KAZN: variants seen among roughly 807,000 people sequenced by gnomAD.
KAZN encodes the protein kazrin, periplakin interacting protein, also known as kazrin.
A neutral mutation model predicts 87.4 loss-of-function variants in KAZN; 40 were observed. That is an observed-to-expected ratio of 0.46 (90% CI 0.36 to 0.60). The LOEUF is 0.60. Ranked by LOEUF, KAZN falls within the 20% of genes least tolerant of loss-of-function variation. KAZN has a pLI of 0.00. For synonymous variants in KAZN, 466 were observed against 458.3 expected (o/e 1.02, Z -0.22); for missense variants, 898 against 1,073.9 (o/e 0.84, Z 2.29).
At chr1:14,525,834 A>G (rs2148471672) in intron 2 of KAZN, among the ~76,000 whole-genome samples, 1 of 152,338 alleles carries the variant, frequency 6.6e-6, no homozygotes, top group African/African-American at 2.4e-5. Flanking sequence ...TTTAATACTC[A>G]GTGCAATCCT....
chr1:14,611,304 AG>A (rs1677800187), intron 1 of KAZN, among the ~76,000 whole-genome samples: 1 of 152,264 alleles, frequency 6.6e-6, no homozygotes, highest in Non-Finnish European at 1.5e-5. Flanking sequence ...ACAGCAAAAT[AG>A]AAATAATAGA....
At chr1:14,662,033 A>G (rs1396107625) in intron 1 of KAZN, among the ~76,000 whole-genome samples, 1 of 152,168 alleles carries the variant, frequency 6.6e-6, no homozygotes, top group East Asian at 1.9e-4. Context: ...TGTTCCTTAT[A>G]CCATGAGCCT....
intron 1 of KAZN, among the ~76,000 whole-genome samples, chr1:14,921,408 C>T (rs776862936): frequency 2.6e-5 from 4 of 152,172 alleles, no homozygotes; most frequent in Admixed American, 1.3e-4. Flanking sequence ...CTTCTTCCTC[C>T]GTCTCCTCTT....
chr1:14,862,970 G>A (rs561523734), intron 1 of KAZN, among the ~76,000 whole-genome samples: 7 of 152,314 alleles, frequency 4.6e-5, no homozygotes, highest in South Asian at 2.1e-4. Flanking sequence ...GAAGTTACCC[G>A]CAAAGCTGAG....
intron 1 of KAZN, among the ~76,000 whole-genome samples, chr1:14,042,198 T>A (rs543398990): frequency 9.1e-4 from 138 of 152,322 alleles, no homozygotes; most frequent in African/African-American, 3.2e-3. Context: ...TTTTCCCTTT[T>A]GGGAAATTTC....
At chr1:15,074,127 A>G (rs1043575939) in intron 8 of KAZN, among the ~76,000 whole-genome samples, 5 of 152,174 alleles carry the variant, frequency 3.3e-5, no homozygotes, top group African/African-American at 1.2e-4. Context: ...CTGTCTCTAA[A>G]ACAGACCAGG....
At chr1:14,522,260 C>G (rs1194293637) in intron 2 of KAZN, among the ~76,000 whole-genome samples, 1 of 152,146 alleles carries the variant, frequency 6.6e-6, no homozygotes, top group Admixed American at 6.5e-5. Flanking sequence ...TGTAACTGAC[C>G]TAACTTAAAG....
intron 2 of KAZN, among the ~76,000 whole-genome samples, chr1:14,515,919 C>T (rs1239868488): frequency 6.6e-6 from 1 of 152,136 alleles, no homozygotes; most frequent in Non-Finnish European, 1.5e-5. Flanking sequence ...CCAGCATGGT[C>T]TCACGTAAGC....
At chr1:14,262,448 AG>A (rs1651130081) in intron 2 of KAZN, among the ~76,000 whole-genome samples, 2 of 152,202 alleles carry the variant, frequency 1.3e-5, no homozygotes, top group South Asian at 4.1e-4. Context: ...CGCTTTTAAA[AG>A]TTTATAACTT....
chr1:14,554,725 G>A (rs1673754214), intron 2 of KAZN, among the ~76,000 whole-genome samples: 2 of 152,164 alleles, frequency 1.3e-5, no homozygotes, highest in South Asian at 2.1e-4. Context: ...AGGTAACCCT[G>A]TAAAATTAAG....
chr1:14,421,124 G>C (rs1359243956), intron 2 of KAZN, among the ~76,000 whole-genome samples: 1 of 152,236 alleles, frequency 6.6e-6, no homozygotes. Context: ...GTTATAGCTA[G>C]AGCTACTACT....
At chr1:14,485,362 G>T (rs1433748993) in intron 2 of KAZN, among the ~76,000 whole-genome samples, 1 of 152,192 alleles carries the variant, frequency 6.6e-6, no homozygotes, top group African/African-American at 2.4e-5. Context: ...TGAGGTAGGA[G>T]GTGGGACTCA....
At chr1:14,116,283 A>C (rs1323223352) in intron 1 of KAZN, among the ~76,000 whole-genome samples, 5 of 150,570 alleles carry the variant, frequency 3.3e-5, no homozygotes, top group Non-Finnish European at 7.5e-5. Context: ...GAGGCCTAGG[A>C]GAAAAAAGTG....
At chr1:14,924,007 C>A in intron 1 of KAZN, 1 of 564,868 alleles carries the variant, frequency 1.8e-6, no homozygotes. Flanking sequence ...GGCGACGCGG[C>A]GGCGCTCCCC....
chr1:14,546,035 T>C (rs1214642203), intron 2 of KAZN, among the ~76,000 whole-genome samples: 1 of 152,152 alleles, frequency 6.6e-6, no homozygotes, highest in Non-Finnish European at 1.5e-5. Flanking sequence ...CTACTTGATA[T>C]CATGATGGTG....
intron 1 of KAZN, among the ~76,000 whole-genome samples, chr1:14,097,106 G>A (rs1018034881): frequency 6.6e-6 from 1 of 152,168 alleles, no homozygotes; most frequent in East Asian, 1.9e-4. Flanking sequence ...TCCTGCTAGG[G>A]GGGCAAGTTT....
chr1:15,016,424 T>C (rs1670109828), intron 2 of KAZN, among the ~76,000 whole-genome samples: 1 of 152,158 alleles, frequency 6.6e-6, no homozygotes, highest in African/African-American at 2.4e-5. Flanking sequence ...TAGCTGGGAT[T>C]ACAGGCGCAT....
intron 2 of KAZN, among the ~76,000 whole-genome samples, chr1:14,258,161 TGTCCCAAAA>T: frequency 7.3e-6 from 1 of 137,768 alleles, no homozygotes; most frequent in African/African-American, 2.5e-5. Flanking sequence ...GTCCCAAAAC[TGTCCCAAAA>T]CTGTATTTTG....
At chr1:14,160,028 A>G (rs1291264381) in intron 1 of KAZN, among the ~76,000 whole-genome samples, 2 of 152,038 alleles carry the variant, frequency 1.3e-5, no homozygotes, top group Non-Finnish European at 2.9e-5. Flanking sequence ...TCTGTTTTGG[A>G]GCCATGAGCT....
Sources: gnomAD v4.1 joint callset for allele counts (sites outside exome capture counted in the v4.1 genomes callset) on GRCh38, gnomAD v4.1.1 for gene constraint, MANE v1.5 for transcripts, NCBI Gene and HGNC (gene_info 2026-07-23, HGNC 2026-07-21) for gene names.